Variants in AATF observed in about 807,000 individuals in gnomAD.
AATF encodes the protein apoptosis antagonizing transcription factor.
Under a neutral mutation model 63.7 loss-of-function variants are expected in AATF, and 48 were observed. That is an observed-to-expected ratio of 0.75 (90% CI 0.60 to 0.96). The LOEUF is 0.96. AATF is among the 40% of genes least tolerant of loss of function. AATF has a pLI of 0.00. For synonymous variants in AATF, 258 were observed against 247.7 expected, an observed-to-expected ratio of 1.04 and a Z score of -0.39; for missense variants, 639 against 685.7, an observed-to-expected ratio of 0.93 and a Z score of 0.76.
intron 10 of AATF, among the ~76,000 whole-genome samples, chr17:37,028,382 C>T (rs143422401): frequency 4.1e-4 from 63 of 152,072 alleles, no homozygotes; most frequent in African/African-American, 1.3e-3. Context: ...TGTAGTGAGC[C>T]GTGATCGCAC....
chr17:36,972,751 G>T (rs578104118), intron 4 of AATF, among the ~76,000 whole-genome samples: 6 of 151,680 alleles, frequency 4.0e-5, no homozygotes, highest in South Asian at 4.2e-4. Flanking sequence ...AAACTGTTGG[G>T]GTTTTTTGTT....
chr17:37,021,552 C>A (rs1317400383), intron 10 of AATF, among the ~76,000 whole-genome samples: 1 of 152,014 alleles, frequency 6.6e-6, no homozygotes, highest in African/African-American at 2.4e-5. Flanking sequence ...TCACTTGAAC[C>A]CGGGAGGCGG....
chr17:36,993,875 G>A (rs1162136056), intron 8 of AATF, among the ~76,000 whole-genome samples: 2 of 152,144 alleles, frequency 1.3e-5, no homozygotes, highest in African/African-American at 4.8e-5. Context: ...AGAATGATGT[G>A]TGGGCTCAGA....
intron 4 of AATF, among the ~76,000 whole-genome samples, chr17:36,970,539 T>C (rs2071031173): frequency 9.5e-6 from 1 of 105,770 alleles, no homozygotes; most frequent in African/African-American, 3.8e-5. Flanking sequence ...TCTTTCTTTT[T>C]TCTTTTTTTT....
At chr17:36,952,267 T>C (rs895280995) in intron 2 of AATF, among the ~76,000 whole-genome samples, 2 of 152,224 alleles carry the variant, frequency 1.3e-5, no homozygotes, top group Non-Finnish European at 2.9e-5. Context: ...TCCATCTCCA[T>C]ACACTGTGTA....
intron 11 of AATF, among the ~76,000 whole-genome samples, chr17:37,051,697 GACACACACACACAC>G (rs59773430): frequency 1.5e-5 from 2 of 137,140 alleles, no homozygotes; most frequent in South Asian, 2.3e-4. Context: ...CAGACAGACA[GACACACACACACAC>G]ACACACACAC....
intron 4 of AATF, among the ~76,000 whole-genome samples, chr17:36,979,364 G>T (rs937901985): frequency 3.3e-5 from 5 of 152,190 alleles, no homozygotes; most frequent in African/African-American, 1.2e-4. Context: ...CAAAGGATTT[G>T]CTTGAAAAGA....
intron 4 of AATF, among the ~76,000 whole-genome samples, chr17:36,983,316 T>G (rs142531320): frequency 1.1e-3 from 174 of 152,228 alleles, no homozygotes; most frequent in African/African-American, 4.0e-3. Flanking sequence ...GTGCTGTGAT[T>G]ACAGGTGTGA....
chr17:36,950,621 T>C (rs1231171527), intron 2 of AATF, among the ~76,000 whole-genome samples: 1 of 152,144 alleles, frequency 6.6e-6, no homozygotes, highest in African/African-American at 2.4e-5. Context: ...TGCCTCAGCC[T>C]CCCGAGTAGC....
chr17:37,005,575 G>C (rs1196797348), intron 8 of AATF, among the ~76,000 whole-genome samples: 1 of 152,176 alleles, frequency 6.6e-6, no homozygotes, highest in East Asian at 1.9e-4. Context: ...TCGTTCTCTA[G>C]TTCAGAATGA....
chr17:36,996,478 T>C (rs1224230366), intron 8 of AATF, among the ~76,000 whole-genome samples: 1 of 152,136 alleles, frequency 6.6e-6, no homozygotes, highest in Non-Finnish European at 1.5e-5. Context: ...AGATATAGCA[T>C]GGAATTAGGT....
chr17:36,997,805 C>A (rs771502977), intron 8 of AATF, among the ~76,000 whole-genome samples: 1 of 152,138 alleles, frequency 6.6e-6, no homozygotes, highest in Admixed American at 6.5e-5. Flanking sequence ...TTCACAATTG[C>A]AAAATCATGG....
intron 11 of AATF, among the ~76,000 whole-genome samples, chr17:37,050,092 G>T (rs1000008224): frequency 3.3e-5 from 5 of 152,230 alleles, no homozygotes; most frequent in Admixed American, 1.3e-4. Flanking sequence ...GATTTAGTTA[G>T]AAGAAGACAT....
At chr17:36,972,142 T>A (rs1353236779) in intron 4 of AATF, among the ~76,000 whole-genome samples, 1 of 152,172 alleles carries the variant, frequency 6.6e-6, no homozygotes, top group East Asian at 1.9e-4. Context: ...CATGATACAG[T>A]ACTTCTAGGG....
intron 11 of AATF, among the ~76,000 whole-genome samples, chr17:37,034,161 C>T (rs193162759): frequency 1.7e-4 from 26 of 152,236 alleles, no homozygotes; most frequent in Admixed American, 5.9e-4. Context: ...TACCAAAGTG[C>T]GCACCATTCT....
chr17:36,973,672 C>A (rs889741940), intron 4 of AATF, among the ~76,000 whole-genome samples: 4 of 152,150 alleles, frequency 2.6e-5, no homozygotes, highest in African/African-American at 9.7e-5. Flanking sequence ...GATCTAGTTC[C>A]TTCTCCTTTA....
chr17:36,985,462 G>C (rs1337059193), intron 4 of AATF, among the ~76,000 whole-genome samples: 3 of 99,276 alleles, frequency 3.0e-5, no homozygotes, highest in Non-Finnish European at 6.6e-5. Context: ...TTTTTTTTTT[G>C]GTTAGAGCCG....
At chr17:36,995,323 A>G (rs922312210) in intron 8 of AATF, among the ~76,000 whole-genome samples, 1 of 152,250 alleles carries the variant, frequency 6.6e-6, no homozygotes, top group African/African-American at 2.4e-5. Flanking sequence ...TGATAATGCC[A>G]TAAACAGGTA....
At chr17:37,023,788 C>A (rs1462097530) in intron 10 of AATF, among the ~76,000 whole-genome samples, 2 of 152,054 alleles carry the variant, frequency 1.3e-5, no homozygotes, top group Non-Finnish European at 2.9e-5. Context: ...AGGGAGCATA[C>A]ACAGTCATTT....
Sources: allele counts gnomAD v4.1 joint callset (sites outside exome capture counted in the v4.1 genomes callset), GRCh38; gene constraint gnomAD v4.1.1; transcripts MANE v1.5; gene names NCBI Gene and HGNC (gene_info 2026-07-23, HGNC 2026-07-21).